EPHA5: variants seen among roughly 807,000 people sequenced by gnomAD.
EPHA5 encodes ephrin type-A receptor 5.
Under a neutral mutation model 105.0 loss-of-function variants are expected in EPHA5, and 60 were observed. The ratio of observed to expected loss-of-function variants is 0.57; its 90% confidence interval spans 0.46 to 0.71. EPHA5 has a LOEUF of 0.71. Among genes scored for constraint, EPHA5 ranks in the 30% least tolerant of loss-of-function variants. The pLI is 0.00. For synonymous variants in EPHA5, 513 were observed against 449.1 expected (o/e 1.14, Z -1.80); for missense variants, 1,218 against 1,274.7 (o/e 0.96, Z 0.68).
chr4:65,437,317 T>C (rs1173100440), intron 5 of EPHA5, among the ~76,000 whole-genome samples: 1 of 152,030 alleles, frequency 6.6e-6, no homozygotes, highest in African/African-American at 2.4e-5. Flanking sequence ...TATTTCTTAT[T>C]GTACTTAGTG....
intron 5 of EPHA5, among the ~76,000 whole-genome samples, chr4:65,461,894 C>T (rs1472992460): frequency 6.6e-6 from 1 of 151,768 alleles, no homozygotes; most frequent in African/African-American, 2.4e-5. Flanking sequence ...ATAAAAGAAA[C>T]CCAGGTCAAG....
At chr4:65,488,560 G>A (rs1731098873) in intron 5 of EPHA5, among the ~76,000 whole-genome samples, 2 of 152,126 alleles carry the variant, frequency 1.3e-5, no homozygotes, top group Admixed American at 6.5e-5. Flanking sequence ...ATTGCCTACA[G>A]CTGAGTCTAT....
intron 3 of EPHA5, among the ~76,000 whole-genome samples, chr4:65,542,002 A>G (rs1264481719): frequency 2.6e-5 from 4 of 151,984 alleles, no homozygotes; most frequent in African/African-American, 9.7e-5. Flanking sequence ...CTGGGTAAAT[A>G]ATTAAAGTAA....
intron 1 of EPHA5, among the ~76,000 whole-genome samples, chr4:65,668,719 G>T (rs927227119): frequency 6.6e-6 from 1 of 152,074 alleles, no homozygotes; most frequent in African/African-American, 2.4e-5. Flanking sequence ...TGGGTCTGGA[G>T]CACAGGATTG....
chr4:65,341,543 C>A (rs1203199605), intron 14 of EPHA5, among the ~76,000 whole-genome samples: 1 of 150,112 alleles, frequency 6.7e-6, no homozygotes, highest in Non-Finnish European at 1.5e-5. Flanking sequence ...TATTTATTTG[C>A]ACCATAAATA....
At chr4:65,625,120 T>C (rs573213993) in intron 2 of EPHA5, among the ~76,000 whole-genome samples, 14 of 152,280 alleles carry the variant, frequency 9.2e-5, no homozygotes, top group African/African-American at 2.6e-4. Context: ...CACTAGACAG[T>C]TTAAGTTATC....
intron 7 of EPHA5, among the ~76,000 whole-genome samples, chr4:65,405,408 G>T (rs914739713): frequency 1.3e-5 from 2 of 151,956 alleles, no homozygotes; most frequent in East Asian, 1.9e-4. Flanking sequence ...TCAGCTTCAT[G>T]GTATCAAATA....
chr4:65,441,257 A>G (rs1725981474), intron 5 of EPHA5, among the ~76,000 whole-genome samples: 1 of 152,050 alleles, frequency 6.6e-6, no homozygotes, highest in Non-Finnish European at 1.5e-5. Context: ...ACCTGTAAAC[A>G]TGAAAAAATA....
Position 65,601,697 on chromosome 4 carries a change from G to A in EPHA5, c.854C>T (p.Pro285Leu), listed in dbSNP as rs758504916. 6.2e-7 allele frequency: 1 copy of A among 1,613,946 alleles called. No individual in the cohort carries two copies. The highest frequency in any genetic ancestry group is 1.1e-5 in the South Asian group (1 of 91,072). The change falls in exon 3 of 17, where the codon CCC becomes CTC. Residue 285 changes from proline (P) to leucine (L), a missense_variant. Pro to Leu is a moderately conservative substitution (Grantham distance 98). Coordinates refer to ENST00000613740, the MANE Select transcript of EPHA5 (RefSeq NM_001281766.3). ...HCSAEGEWLV[P>L]IGKCMCKAGY... ...TGCCTTGCACATGCATTTCCCGATG[G>A]GCACCAGCCACTCCCCTTCGGCGCT...
intron 16 of EPHA5, among the ~76,000 whole-genome samples, chr4:65,328,514 G>T (rs1389409350): frequency 6.6e-6 from 1 of 151,096 alleles, no homozygotes; most frequent in Non-Finnish European, 1.5e-5. Flanking sequence ...ACACCTTTTA[G>T]CCGTATCACT....
At chr4:65,454,588 C>G (rs1388894676) in intron 5 of EPHA5, among the ~76,000 whole-genome samples, 1 of 152,138 alleles carries the variant, frequency 6.6e-6, no homozygotes, top group Non-Finnish European at 1.5e-5. Context: ...GATAATGTAA[C>G]TGCTCAAAAT....
intron 5 of EPHA5, among the ~76,000 whole-genome samples, chr4:65,451,693 G>A (rs1042959395): frequency 6.6e-6 from 1 of 152,024 alleles, no homozygotes; most frequent in Non-Finnish European, 1.5e-5. Flanking sequence ...CTATATAATA[G>A]CACTGACAAG....
At chr4:65,422,043 T>C (rs1167017451) in intron 5 of EPHA5, among the ~76,000 whole-genome samples, 1 of 152,174 alleles carries the variant, frequency 6.6e-6, no homozygotes, top group Non-Finnish European at 1.5e-5. Context: ...TGGAATACTT[T>C]GTTATTTACT....
chr4:65,499,791 G>T (rs1732295801), intron 3 of EPHA5, among the ~76,000 whole-genome samples: 1 of 150,372 alleles, frequency 6.7e-6, no homozygotes, highest in African/African-American at 2.4e-5. Context: ...AGCATTCTGG[G>T]CCAAAAGACA....
chr4:65,588,171 T>C (rs937101068), intron 3 of EPHA5, among the ~76,000 whole-genome samples: 2 of 152,124 alleles, frequency 1.3e-5, no homozygotes, highest in Non-Finnish European at 2.9e-5. Context: ...AGAGTGAATA[T>C]GAATAAAACA....
At chr4:65,434,261 A>G (rs1725268929) in intron 5 of EPHA5, among the ~76,000 whole-genome samples, 1 of 151,974 alleles carries the variant, frequency 6.6e-6, no homozygotes, top group South Asian at 2.1e-4. Context: ...CCTTTTTTCC[A>G]TTTAAAGTAA....
At chr4:65,380,088 A>G (rs1382507477) in intron 8 of EPHA5, among the ~76,000 whole-genome samples, 1 of 151,782 alleles carries the variant, frequency 6.6e-6, no homozygotes, top group African/African-American at 2.4e-5. Flanking sequence ...TTAGAAATAG[A>G]AACCAAAATG....
chr4:65,333,044 TTTAA>T (rs1720791843), intron 15 of EPHA5, among the ~76,000 whole-genome samples: 2 of 151,838 alleles, frequency 1.3e-5, no homozygotes, highest in African/African-American at 4.8e-5. Context: ...AATAGACACT[TTTAA>T]TGACACTACG....
At position 65,365,126 on chromosome 4, in the gene EPHA5, A is replaced by C; in HGVS notation, c.2064T>G (p.Leu688=). The C allele has an allele frequency of 6.2e-7, 1 of 1,611,838 alleles. No homozygotes were observed. Among genetic ancestry groups the C allele is most frequent in the Non-Finnish European group, 8.5e-7 (1 of 1,178,480 alleles). The part of the protein sequence containing the change: ...KRELPVAIKT[L]KVGYTEKQRR... ...GTTGCTTTTCAGTATAGCCTACTTT[A>C]AGGGTTTTGATAGCCACAGGTAATT... is the stretch of plus-strand genomic sequence containing the variant. Residue 688 remains leucine, a synonymous_variant, in exon 11 of 17, where the codon CTT becomes CTG. Transcript: ENST00000613740.
Sources: allele counts gnomAD v4.1 joint callset (sites outside exome capture counted in the v4.1 genomes callset), GRCh38; gene constraint gnomAD v4.1.1; transcripts MANE v1.5; gene names NCBI Gene and HGNC (gene_info 2026-07-23, HGNC 2026-07-21).